The following LINGO2 variants were observed in gnomAD, a reference collection of about 807,000 sequenced individuals.
LINGO2 encodes leucine rich repeat and Ig domain containing 2.
Under a neutral mutation model 30.6 loss-of-function variants are expected in LINGO2, and 14 were observed. The observed-to-expected ratio is 0.46, with a 90% confidence interval of 0.30 to 0.72. LINGO2 has a LOEUF of 0.72. LINGO2 is among the 30% of genes least tolerant of loss of function. LINGO2 has a pLI of 0.07. For synonymous variants in LINGO2, 317 were observed against 288.5 expected (o/e 1.10, Z -1.00); for missense variants, 729 against 751.7 (o/e 0.97, Z 0.35).
intron 1 of LINGO2, among the ~76,000 whole-genome samples, chr9:28,517,139 A>G (rs10491885): frequency 0.29 from 43,552 of 152,100 alleles, 6,529 homozygotes; most frequent in Admixed American, 0.38. Context: ...TTCTTCATTC[A>G]TTCGTCTTCA....
At chr9:28,688,104 C>T in the LINGO2 span, among the ~76,000 whole-genome samples, 33 of 152,178 alleles carry the variant, frequency 2.2e-4, no homozygotes, top group Admixed American at 1.4e-3. Context: ...CCTATTTACA[C>T]ATATGATACA....
intron 4 of LINGO2, among the ~76,000 whole-genome samples, chr9:28,167,151 C>CA (rs1554681374): frequency 2.0e-5 from 2 of 101,322 alleles, no homozygotes; most frequent in East Asian, 3.9e-4. Context: ...CCCCCCCCCC[C>CA]ACTTTTCTTT....
chr9:28,308,507 G>A (rs1323311010), intron 3 of LINGO2, among the ~76,000 whole-genome samples: 1 of 146,848 alleles, frequency 6.8e-6, no homozygotes, highest in African/African-American at 2.5e-5. Context: ...TTACCATTCA[G>A]GACATAGGCA....
chr9:28,443,636 C>T (rs1211367736), intron 2 of LINGO2, among the ~76,000 whole-genome samples: 5 of 152,236 alleles, frequency 3.3e-5, no homozygotes, highest in Non-Finnish European at 7.3e-5. Context: ...GGTGTGAGCA[C>T]TCTTGGGGCA....
intron 2 of LINGO2, among the ~76,000 whole-genome samples, chr9:28,471,513 C>T (rs1371783752): frequency 4.6e-5 from 7 of 152,188 alleles, no homozygotes; most frequent in Admixed American, 6.6e-5. Context: ...CACTGCTACA[C>T]AGGGGACCAC....
intron 4 of LINGO2, among the ~76,000 whole-genome samples, chr9:28,261,802 A>G (rs932141494): frequency 5.3e-5 from 8 of 152,088 alleles, no homozygotes; most frequent in African/African-American, 1.4e-4. Flanking sequence ...TGAGAATTTC[A>G]TATGTTAAGC....
At chr9:28,149,264 C>T (rs1345258666) in intron 4 of LINGO2, 35 of 665,428 alleles carry the variant, frequency 5.3e-5, no homozygotes, top group East Asian at 2.5e-4. Context: ...CCCAGGCGGG[C>T]GGATCAGGAG....
the LINGO2 span, among the ~76,000 whole-genome samples, chr9:29,007,460 A>T: frequency 6.6e-6 from 1 of 152,102 alleles, no homozygotes; most frequent in African/African-American, 2.4e-5. Context: ...TGGTTTAAAT[A>T]TATATAGCAG....
chr9:28,538,721 T>C (rs1378493073), intron 1 of LINGO2, among the ~76,000 whole-genome samples: 1 of 152,026 alleles, frequency 6.6e-6, no homozygotes, highest in African/African-American at 2.4e-5. Context: ...GTGAACCCAC[T>C]CCCACAAGCC....
intron 4 of LINGO2, among the ~76,000 whole-genome samples, chr9:28,266,587 TTCTCTTTGGTTA>T (rs1457630763): frequency 1.3e-5 from 2 of 152,030 alleles, no homozygotes; most frequent in Non-Finnish European, 2.9e-5. Context: ...CTCAGAGTTC[TTCTCTTTGGTTA>T]TCTCTTTGGT....
intron 5 of LINGO2, among the ~76,000 whole-genome samples, chr9:27,988,069 T>C (rs1303815560): frequency 1.3e-5 from 2 of 152,050 alleles, no homozygotes; most frequent in African/African-American, 4.8e-5. Flanking sequence ...GTTCTCATAG[T>C]TTAATTCCCA....
the LINGO2 span, among the ~76,000 whole-genome samples, chr9:29,034,659 C>G: frequency 6.6e-6 from 1 of 152,118 alleles, no homozygotes; most frequent in African/African-American, 2.4e-5. Flanking sequence ...TTATCAGTGT[C>G]TATTTTAAGA....
chr9:28,784,065 A>C, the LINGO2 span, among the ~76,000 whole-genome samples: 36 of 152,324 alleles, frequency 2.4e-4, no homozygotes, highest in African/African-American at 8.4e-4. Flanking sequence ...TCATCCTATT[A>C]GTTTTGGAGG....
At chr9:28,911,064 A>C in the LINGO2 span, among the ~76,000 whole-genome samples, 1 of 152,190 alleles carries the variant, frequency 6.6e-6, no homozygotes, top group African/African-American at 2.4e-5. Flanking sequence ...GAGGGAAGTG[A>C]AAATTTTAGT....
At chr9:28,861,104 TA>T in the LINGO2 span, among the ~76,000 whole-genome samples, 213 of 119,634 alleles carry the variant, frequency 1.8e-3, 1 homozygote, top group African/African-American at 6.8e-3. Flanking sequence ...TATAAATATA[TA>T]AAATATATTT....
chr9:28,963,551 C>CACACACAG, the LINGO2 span, among the ~76,000 whole-genome samples: 11 of 150,704 alleles, frequency 7.3e-5, no homozygotes, highest in Admixed American at 4.0e-4. Flanking sequence ...AATACACACA[C>CACACACAG]ACACACACAC....
At chr9:28,174,420 C>G (rs1399890883) in intron 4 of LINGO2, among the ~76,000 whole-genome samples, 1 of 152,104 alleles carries the variant, frequency 6.6e-6, no homozygotes, top group East Asian at 1.9e-4. Context: ...TTCCTCCTCT[C>G]TCTTTTCTTT....
chr9:28,539,824 T>A (rs1821596164), intron 1 of LINGO2, among the ~76,000 whole-genome samples: 2 of 152,166 alleles, frequency 1.3e-5, no homozygotes, highest in African/African-American at 2.4e-5. Flanking sequence ...TTCAGTAGCA[T>A]CTGGTAAGCA....
In LINGO2 at chr9:28,069,865, C is replaced by CT. The variant is rs143333998; in HGVS notation, c.-86-57461dup. 4.7e-3 allele frequency among the ~76,000 whole-genome samples: 715 copies of CT among 152,308 alleles called. 7 individuals are homozygous for CT. The highest frequency in any genetic ancestry group is 0.016 in the African/African-American group (674 of 41,578). ...AACAGTGAGGCCATAAAATAGTTTG[C>CT]TTAACTGCCAAATAGCCATGTGGAA... is the stretch of plus-strand genomic sequence containing the variant. On this transcript the variant is annotated intron_variant, in intron 4 of 5. Transcript: ENST00000379992.
Sources: allele counts gnomAD v4.1 joint callset (sites outside exome capture counted in the v4.1 genomes callset), GRCh38; gene constraint gnomAD v4.1.1; transcripts MANE v1.5; gene names NCBI Gene and HGNC (gene_info 2026-07-23, HGNC 2026-07-21).